IK: variants seen among roughly 807,000 people sequenced by gnomAD.
IK encodes the protein protein Red.
In IK, 47 loss-of-function variants were observed where a neutral mutation model predicts 90.9. That is an observed-to-expected ratio of 0.52 (90% CI 0.41 to 0.66). The LOEUF (loss-of-function observed/expected upper bound fraction) is 0.66, where lower values mean the gene tolerates loss of function less well. IK is among the 30% of genes least tolerant of loss of function. IK has a pLI of 0.00. For missense variants in IK, 385 were observed against 709.3 expected, an observed-to-expected ratio of 0.54 and a Z score of 5.19; for synonymous variants, 201 against 227.5, an observed-to-expected ratio of 0.88 and a Z score of 1.05.
intron 15 of IK, 27 bp downstream of exon 15, chr5:140,660,222 A>C (rs912387192): frequency 6.8e-7 from 1 of 1,469,904 alleles, no homozygotes; most frequent in African/African-American, 1.5e-5. Context: ...TAAGGAAGGG[A>C]GGCTGGGATG....
rs745456401 is a variant in IK at position 140,659,012 on chromosome 5, C to T, written c.1024C>T (p.Arg342Trp). 8.1e-6 allele frequency: 13 copies of T among 1,613,202 alleles called. No homozygotes were observed. The highest frequency in any genetic ancestry group is 2.7e-5 in the African/African-American group (2 of 74,966). ...TCGGGACAAGGAGCGGGAGAGATAT[C>T]GGGAACGGGAGCGTGATCGGGAAAG... ...TPRDKERERY[R>W]ERERDRERDR... is the part of the protein sequence containing the mutation. Residue 342 changes from arginine to tryptophan, a missense_variant, in exon 12 of 20, where the codon CGG becomes TGG. Arg to Trp is a moderately radical substitution (Grantham distance 101, BLOSUM62 -3). Around this residue, in one of 8 missense-constraint regions of IK, gnomAD observed 139 missense variants for 172.0 expected, o/e 0.81. Coordinates refer to ENST00000417647, the MANE Select transcript of IK (RefSeq NM_006083.4).
intron 4 of IK, 82 bp from the exon 5 acceptor site, chr5:140,652,895 T>C (rs1757639587): frequency 9.0e-6 from 12 of 1,327,696 alleles, no homozygotes; most frequent in Non-Finnish European, 1.3e-5. Context: ...GTTGGAGATG[T>C]AGGGAAGCAA....
Position 140,662,165 on chromosome 5 carries a change from T to A in IK, c.1612-14T>A. The A allele has an allele frequency of 6.2e-7, 1 of 1,613,932 alleles. No homozygotes were observed. The highest frequency in any genetic ancestry group is 2.2e-5 in the East Asian group (1 of 44,886). On this transcript the variant is annotated splice_polypyrimidine_tract_variant and intron_variant, in intron 18 of 19. Coordinates refer to ENST00000417647, the MANE Select transcript of IK (RefSeq NM_006083.4). ...TGGGCAGCTTGGTGATAGACTATCC[T>A]GTTGTTTTTGCAGATCATTGAGAAG...
Position 140,654,663 on chromosome 5 carries a change from A to G in IK, c.591-18A>G, listed in dbSNP as rs1757675064. On this transcript the variant is annotated intron_variant, in intron 7 of 19. Coordinates refer to ENST00000417647, the MANE Select transcript of IK (RefSeq NM_006083.4). Reference sequence around the variant, plus strand: ...TTAGAGCACATTTAGCAAAAATAAAACTTTTTTGTCTTTTCAGGAAAGATG... The same window carrying G: ...TTAGAGCACATTTAGCAAAAATAAAGCTTTTTTGTCTTTTCAGGAAAGATG... 3.8e-6 allele frequency: 6 copies of G among 1,596,352 alleles called. No individual in the cohort carries two copies. The highest frequency in any genetic ancestry group is 5.1e-6 in the Non-Finnish European group (6 of 1,168,832).
chr5:140,659,102 C>G lies in IK; in HGVS notation c.1114C>G (p.Arg372Gly). The G allele has an allele frequency of 1.2e-6, 2 of 1,610,022 alleles. No individual in the cohort carries two copies. The highest frequency in any genetic ancestry group is 1.1e-5 in the South Asian group (1 of 90,752). ...TCGGGAACGAGAGCGAGAGCGGGAC[C>G]GAGAGAGAGAAGAGGAAAAGAAGAG... ...RDRERERERD[R>G]EREEEKKRHS... The change falls in exon 12 of 20, where the codon CGA (arginine) becomes GGA (glycine). Residue 372 changes from arginine to glycine, a missense_variant. Arg to Gly is a moderately radical substitution (Grantham distance 125). Around this residue, in one of 8 missense-constraint regions of IK, gnomAD observed 139 missense variants for 172.0 expected, o/e 0.81. Coordinates refer to ENST00000417647, the MANE Select transcript of IK (RefSeq NM_006083.4).
At chr5:140,656,032 C>G in intron 9 of IK, 40 bp downstream of exon 9, 1 of 1,545,044 alleles carries the variant, frequency 6.5e-7, no homozygotes, top group Non-Finnish European at 8.8e-7. Flanking sequence ...ATGTGAGCCT[C>G]AAGCCTGGGA....
intron 8 of IK, 69 bp from the exon 9 acceptor site, chr5:140,655,760 A>G: frequency 1.3e-6 from 2 of 1,513,140 alleles, no homozygotes; most frequent in Non-Finnish European, 9.0e-7. Flanking sequence ...TGGCTAGCAC[A>G]GAGTAAGCAC....
intron 3 of IK, 109 bp from the exon 4 acceptor site, chr5:140,651,979 T>A (rs1757623317): frequency 2.2e-6 from 2 of 917,506 alleles, no homozygotes; most frequent in African/African-American, 3.3e-5. Context: ...ATTGAAAGTG[T>A]TACTTTGATC....
intron 2 of IK, among the ~76,000 whole-genome samples, chr5:140,649,813 G>A (rs542272081): frequency 9.2e-5 from 14 of 152,210 alleles, no homozygotes; most frequent in African/African-American, 1.4e-4. Flanking sequence ...GATTACAGGC[G>A]TGAGCCACTG....
rs1272553747 is a variant in IK at position 140,660,271 on chromosome 5, C to T, written c.1355+76C>T. The T allele has an allele frequency of 1.0e-5, 7 of 684,440 alleles. 1 individual carries two copies. Among genetic ancestry groups the T allele is most frequent in the Admixed American group, 4.8e-5 (2 of 41,478 alleles). 42.4% of individuals were successfully genotyped at this position (684,440 alleles called of 1,614,324 possible). A position where few individuals can be genotyped will look rare whatever the true frequency, so the allele number is the denominator to read the frequency against. On this transcript the variant is annotated intron_variant, in intron 15 of 19. Transcript: ENST00000417647. The stretch of plus-strand genomic sequence containing the variant: ...TTGGGGGTGAAATGGAAATTTGATT[C>T]GCTAAGTCCCAGGGCTACTTCTTTT...
At position 140,653,006 on chromosome 5, in the gene IK, TTGAG is replaced by T. The variant is rs1757641371; in HGVS notation, c.267_270del (p.Arg93SerfsTer2). 5 of 1,613,414 alleles carry T rather than the reference TTGAG, an allele frequency of 3.1e-6. No homozygotes were observed. The highest frequency in any genetic ancestry group is 3.4e-6 in the Non-Finnish European group (4 of 1,179,766). ...TATGCCAAGCTACGCCAACAAGAAA[TTGAG>T]AGAGAGAGAGAGCTAGCAGAGAAGT... On this transcript the variant is annotated frameshift_variant, in exon 5 of 20. Coordinates refer to ENST00000417647, the MANE Select transcript of IK (RefSeq NM_006083.4). LOFTEE classifies it high-confidence loss of function.
chr5:140,654,174 G>T, intron 6 of IK, 122 bp downstream of exon 6: 1 of 659,432 alleles, frequency 1.5e-6, no homozygotes. Context: ...GCTAAAGATG[G>T]CCCCTCTGAA....
rs764123654 is a variant in IK at position 140,658,963 on chromosome 5, C to T, written c.975C>T (p.Tyr325=). The change falls in exon 12 of 20, where the codon TAC becomes TAT. Residue 325 remains tyrosine (Y), a synonymous_variant. Transcript: ENST00000417647. ...GTATTTTTGAAGACATTGGGGATTA[C>T]GTACCCTCCACAACCAAGACACCTC... The part of the protein sequence containing the change: ...DMNIFEDIGD[Y]VPSTTKTPRD... 6.8e-6 allele frequency: 11 copies of T among 1,613,852 alleles called. No homozygotes were observed. The East Asian group carries it at 1.3e-4, about 20-fold the overall frequency.
chr5:140,653,858 C>T, intron 5 of IK, 80 bp from the exon 6 acceptor site: 1 of 822,338 alleles, frequency 1.2e-6, no homozygotes, highest in Non-Finnish European at 2.0e-6. Context: ...CCGCCTTGAC[C>T]TCCCAGAGTA....
intron 6 of IK, 93 bp from the exon 7 acceptor site, chr5:140,654,423 T>C (rs557884545): frequency 2.1e-6 from 2 of 953,056 alleles, no homozygotes; most frequent in African/African-American, 1.7e-5. Flanking sequence ...TCATGTTTAA[T>C]ATTATATTCT....
At chr5:140,648,599 A>T in intron 2 of IK, 62 bp downstream of exon 2, 1 of 1,450,242 alleles carries the variant, frequency 6.9e-7, no homozygotes, top group Non-Finnish European at 9.7e-7. Context: ...AGTGGTGGTG[A>T]TGGTGAAAGA....
chr5:140,651,209 T>C (rs554098126), intron 2 of IK, among the ~76,000 whole-genome samples: 23 of 152,204 alleles, frequency 1.5e-4, no homozygotes, highest in Admixed American at 1.4e-3. Flanking sequence ...CCCAGCACTT[T>C]GGGAGGCTGA....
chr5:140,655,619 A>T (rs1027475188), intron 8 of IK, among the ~76,000 whole-genome samples: 1 of 152,236 alleles, frequency 6.6e-6, no homozygotes, highest in Non-Finnish European at 1.5e-5. Flanking sequence ...TACTTAGTAG[A>T]TACATGACTT....
At chr5:140,652,681 G>C (rs916185137) in intron 4 of IK, among the ~76,000 whole-genome samples, 2 of 152,182 alleles carry the variant, frequency 1.3e-5, no homozygotes, top group African/African-American at 4.8e-5. Flanking sequence ...TGATTTTTGT[G>C]TGGAAAAGTC....
Sources: gnomAD v4.1 joint callset for allele counts (sites outside exome capture counted in the v4.1 genomes callset) on GRCh38, gnomAD v4.1.1 for gene constraint, gnomAD v4.1.1 regional missense constraint, MANE v1.5 for transcripts, NCBI Gene and HGNC (gene_info 2026-07-23, HGNC 2026-07-21) for gene names.